The following ABTB2 variants were observed in gnomAD, a reference collection of about 807,000 sequenced individuals.
The protein encoded by ABTB2 is ankyrin repeat and BTB domain containing 2, also known as ankyrin repeat and BTB/POZ domain-containing protein 2.
Under a neutral mutation model 104.1 loss-of-function variants are expected in ABTB2, and 56 were observed. The ratio of observed to expected loss-of-function variants is 0.54; its 90% CI spans 0.43 to 0.67. The LOEUF (loss-of-function observed/expected upper bound fraction) is 0.67. Among genes scored for constraint, ABTB2 ranks in the 30% least tolerant of loss-of-function variants. The probability of loss-of-function intolerance (pLI) is 0.00; values close to 1 mark genes in which losing one functional copy is unlikely to be tolerated. For synonymous variants in ABTB2, 606 were observed against 608.2 expected, an observed-to-expected ratio of 1.00 and a Z score of 0.05; for missense variants, 1,279 against 1,407.7, an observed-to-expected ratio of 0.91 and a Z score of 1.46.
intron 1 of ABTB2, among the ~76,000 whole-genome samples, chr11:34,229,293 T>A (rs577613267): frequency 1.3e-5 from 2 of 151,392 alleles, no homozygotes; most frequent in Admixed American, 1.3e-4. Flanking sequence ...CCATCCTGGC[T>A]AACACGATGA....
In ABTB2 at chr11:34,167,328, G is replaced by A. The variant is rs751368226; in HGVS notation, c.1686C>T (p.Ile562=). Residue 562 remains isoleucine, a synonymous_variant, in exon 7 of 17, where the codon ATC becomes ATT. Coordinates refer to ENST00000435224, the MANE Select transcript of ABTB2 (RefSeq NM_145804.3). The part of the protein sequence containing the change: ...VPSNSPRHPS[I]HPDSRHWTSL... ...AGGTCCAGTGCCGGCTGTCGGGGTGGATGGAAGGGTGCCTGGGGGAGTTGC... is the reference window on the plus strand; with the variant it reads ...AGGTCCAGTGCCGGCTGTCGGGGTGAATGGAAGGGTGCCTGGGGGAGTTGC... 1 of 1,613,522 alleles carries A rather than the reference G, an allele frequency of 6.2e-7. No individual in the cohort carries two copies.
chr11:34,283,403 A>G (rs1854470854), intron 1 of ABTB2, among the ~76,000 whole-genome samples: 1 of 152,028 alleles, frequency 6.6e-6, no homozygotes, highest in African/African-American at 2.4e-5. Flanking sequence ...TTTAGTAGAG[A>G]TGGGGTTTCA....
chr11:34,284,097 T>C (rs960905682), intron 1 of ABTB2, among the ~76,000 whole-genome samples: 1 of 152,240 alleles, frequency 6.6e-6, no homozygotes, highest in Non-Finnish European at 1.5e-5. Flanking sequence ...TCTGCATTTC[T>C]AACGAGCCCC....
chr11:34,172,030 C>T (rs1040735550), intron 4 of ABTB2, among the ~76,000 whole-genome samples: 1 of 151,834 alleles, frequency 6.6e-6, no homozygotes, highest in East Asian at 1.9e-4. Context: ...TTGGGCCTTC[C>T]GTATGAAGAC....
intron 3 of ABTB2, among the ~76,000 whole-genome samples, chr11:34,188,942 G>A (rs932445809): frequency 1.3e-5 from 2 of 152,176 alleles, no homozygotes; most frequent in Admixed American, 1.3e-4. Context: ...CCCACCTTAG[G>A]AAGCAGGCAC....
intron 1 of ABTB2, among the ~76,000 whole-genome samples, chr11:34,320,437 TG>T (rs1299512930): frequency 6.6e-6 from 1 of 152,224 alleles, no homozygotes; most frequent in African/African-American, 2.4e-5. Context: ...ACCTTATCCC[TG>T]GATGATCTGA....
rs566643159 is a variant in ABTB2, at chr11:34,317,995, C to T, written c.883+38706G>A. Among the ~76,000 whole-genome samples the T allele has an allele frequency of 1.5e-3, 224 of 151,234 alleles. 1 individual carries two copies. Among genetic ancestry groups the T allele is most frequent in the African/African-American group, 5.2e-3 (215 of 41,110 alleles). The stretch of plus-strand genomic sequence containing the variant: ...ACCTCTTTTTTGAGACATAGCCTCG[C>T]TCTGTCACCCAGGCTGGATGAAGTA... On this transcript the variant is annotated intron_variant, in intron 1 of 16. Coordinates refer to ENST00000435224, the MANE Select transcript of ABTB2 (RefSeq NM_145804.3).
intron 1 of ABTB2, among the ~76,000 whole-genome samples, chr11:34,322,826 G>A (rs988360034): frequency 5.9e-5 from 9 of 151,904 alleles, no homozygotes; most frequent in African/African-American, 1.9e-4. Context: ...CCAGAGGTGC[G>A]TACCACCCAC....
intron 1 of ABTB2, among the ~76,000 whole-genome samples, chr11:34,327,062 G>A (rs922376821): frequency 7.2e-5 from 11 of 152,168 alleles, no homozygotes; most frequent in Non-Finnish European, 1.0e-4. Context: ...GCAACAGAGC[G>A]AGACTCCGTC....
intron 1 of ABTB2, among the ~76,000 whole-genome samples, chr11:34,300,157 C>G (rs1384317408): frequency 2.0e-5 from 3 of 152,170 alleles, no homozygotes; most frequent in Non-Finnish European, 4.4e-5. Context: ...CTGAATCTAA[C>G]TGCCATGCTA....
At chr11:34,316,852 G>C (rs1378887041) in intron 1 of ABTB2, among the ~76,000 whole-genome samples, 2 of 152,228 alleles carry the variant, frequency 1.3e-5, no homozygotes. Flanking sequence ...TGGTAGCACA[G>C]AAGATATGTG....
Position 34,357,685 on chromosome 11 carries a change from C to T in ABTB2, c.-102G>A. 1 of 1,222,968 alleles carries T rather than the reference C, an allele frequency of 8.2e-7. No individual in the cohort carries two copies. The highest frequency in any genetic ancestry group is 1.1e-6 in the Non-Finnish European group (1 of 945,610). 75.8% of individuals were successfully genotyped at this position (1,222,968 alleles called of 1,614,324 possible). On this transcript the variant is annotated 5_prime_UTR_variant, in exon 1 of 17. Coordinates refer to ENST00000435224, the MANE Select transcript of ABTB2 (RefSeq NM_145804.3). Reference sequence around the variant, plus strand: ...ACAAGCTCTAGGCCCTCCGGGCCACCCTCCTTCCTCTCTGCGTCGCGGGGC... The same window carrying T: ...ACAAGCTCTAGGCCCTCCGGGCCACTCTCCTTCCTCTCTGCGTCGCGGGGC...
chr11:34,340,998 T>G (rs11603725), intron 1 of ABTB2, among the ~76,000 whole-genome samples: 14,043 of 152,198 alleles, frequency 0.092, 844 homozygotes, highest in Non-Finnish European at 0.13. Context: ...ATGGTAGCAA[T>G]AGCACTCCCT....
intron 1 of ABTB2, among the ~76,000 whole-genome samples, chr11:34,211,631 C>T (rs549958083): frequency 1.1e-4 from 16 of 152,178 alleles, no homozygotes; most frequent in African/African-American, 3.4e-4. Context: ...TGGTGGCTCA[C>T]ACCTGTAATC....
chr11:34,298,273 A>G (rs970435874), intron 1 of ABTB2, among the ~76,000 whole-genome samples: 2 of 151,914 alleles, frequency 1.3e-5, no homozygotes, highest in Non-Finnish European at 2.9e-5. Context: ...ACATATCCAC[A>G]TTTCATTGCC....
intron 1 of ABTB2, among the ~76,000 whole-genome samples, chr11:34,291,297 C>T (rs981038625): frequency 6.6e-5 from 10 of 152,204 alleles, no homozygotes. Context: ...CAGCCAGCCT[C>T]TCCCACTGGG....
chr11:34,294,831 C>T (rs1201033853), intron 1 of ABTB2, among the ~76,000 whole-genome samples: 1 of 151,964 alleles, frequency 6.6e-6, no homozygotes, highest in Non-Finnish European at 1.5e-5. Context: ...TCTCCTGCCT[C>T]AGCCTCCTGA....
chr11:34,267,792 G>A (rs895884241), intron 1 of ABTB2, among the ~76,000 whole-genome samples: 9 of 134,976 alleles, frequency 6.7e-5, no homozygotes, highest in African/African-American at 2.6e-4. Context: ...CCTTGCACAC[G>A]GGGGTTTTTT....
chr11:34,281,461 A>G (rs1854448437), intron 1 of ABTB2, among the ~76,000 whole-genome samples: 1 of 152,202 alleles, frequency 6.6e-6, no homozygotes, highest in Non-Finnish European at 1.5e-5. Context: ...ACCCACTAAC[A>G]GAGCCTCTGT....
Sources: allele counts gnomAD v4.1 joint callset (sites outside exome capture counted in the v4.1 genomes callset), GRCh38; gene constraint gnomAD v4.1.1; transcripts MANE v1.5; gene names NCBI Gene and HGNC (gene_info 2026-07-23, HGNC 2026-07-21).